Variants in MRPL15 observed in about 807,000 individuals in gnomAD.
MRPL15 encodes the protein mitochondrial ribosomal protein L15.
In MRPL15, 24 loss-of-function variants were observed where a neutral mutation model predicts 28.0. That is an observed-to-expected ratio of 0.86 (90% CI 0.62 to 1.21). The LOEUF is 1.21. Among genes scored for constraint, MRPL15 ranks in the 50% most tolerant of loss-of-function variants. The pLI, the probability that MRPL15 is intolerant of heterozygous loss-of-function variation, is 0.00. For synonymous variants in MRPL15, 124 were observed against 137.0 expected (o/e 0.90, Z 0.66); for missense variants, 343 against 372.4 (o/e 0.92, Z 0.65).
intron 1 of MRPL15, 37 bp downstream of exon 1, chr8:54,135,428 AC>A: frequency 6.7e-7 from 1 of 1,501,012 alleles, no homozygotes; most frequent in South Asian, 1.2e-5. Context: ...AGCGCTGGGG[AC>A]CCGGGCGATG....
chr8:54,147,080 A>G (rs556879956), intron 4 of MRPL15, among the ~76,000 whole-genome samples: 27 of 152,270 alleles, frequency 1.8e-4, no homozygotes, highest in Middle Eastern at 3.4e-3. Context: ...TAAAAATACA[A>G]AATGATCCGG....
chr8:54,138,521 G>A (rs1417904707), intron 3 of MRPL15, among the ~76,000 whole-genome samples: 1 of 150,970 alleles, frequency 6.6e-6, no homozygotes, highest in African/African-American at 2.4e-5. Context: ...GTTTTGCTAT[G>A]TTGGCCAGGC....
chr8:54,147,314 T>C, intron 4 of MRPL15, 68 bp from the exon 5 acceptor site: 1 of 1,143,468 alleles, frequency 8.7e-7, no homozygotes, highest in East Asian at 2.4e-5. Context: ...TATGTTAGAG[T>C]TACATCTCTA....
Position 54,148,212 on chromosome 8 carries a change from A to T in MRPL15, c.*493A>T, listed in dbSNP as rs1440650348. ...AGAGTAAGATCAGGACGTATGCTTA[A>T]GGTGTAAGGCTGAGGAGTAGCTGGT... is the stretch of plus-strand genomic sequence containing the variant. On this transcript the variant is annotated 3_prime_UTR_variant, in exon 5 of 5. Coordinates refer to ENST00000260102, the MANE Select transcript of MRPL15 (RefSeq NM_014175.4). Among the ~76,000 whole-genome samples the T allele has an allele frequency of 6.6e-6, 1 of 152,224 alleles. No individual in the cohort carries two copies. Among genetic ancestry groups the T allele is most frequent in the South Asian group, 2.1e-4 (1 of 4,838 alleles).
rs747561347 is a variant in MRPL15, at chr8:54,142,851, A to G, written c.553+65A>G. The G allele has an allele frequency of 1.9e-5, 31 of 1,599,624 alleles. No individual in the cohort carries two copies. The Admixed American group carries it at 4.8e-4, about 25-fold the overall frequency. ...GTCTCATGTTGGCTACTAATTTTAA[A>G]TTACTTAGTGAATGGCAAATGTTGG... On this transcript the variant is annotated intron_variant, in intron 4 of 4. Transcript: ENST00000260102.
Position 54,136,636 on chromosome 8 carries a change from C to G in MRPL15, c.234C>G (p.Ile78Met), listed in dbSNP as rs901142433. 1.2e-6 allele frequency: 2 copies of G among 1,614,102 alleles called. No homozygotes were observed. The highest frequency in any genetic ancestry group is 1.7e-6 in the Non-Finnish European group (2 of 1,179,980). ...GCCAGACTCCATTTTACATCCGAAT[C>G]CCAAAATACGGGTTTAACGAAGGAC... Reference protein sequence around the residue: ...EGGQTPFYIRIPKYGFNEGHS... With the variant: ...EGGQTPFYIRMPKYGFNEGHS... Residue 78 changes from isoleucine (I) to methionine (M), a missense_variant, in exon 2 of 5, where the codon ATC (isoleucine) becomes ATG (methionine). Transcript: ENST00000260102.
intron 3 of MRPL15, among the ~76,000 whole-genome samples, chr8:54,139,273 A>G (rs1480023116): frequency 6.6e-6 from 1 of 152,226 alleles, no homozygotes; most frequent in African/African-American, 2.4e-5. Flanking sequence ...TGCTGGGATT[A>G]CAGACGTGAG....
At chr8:54,135,505 T>C in intron 1 of MRPL15, 114 bp downstream of exon 1, 1 of 781,460 alleles carries the variant, frequency 1.3e-6, no homozygotes, top group Admixed American at 3.5e-5. Context: ...GGGATGAAAA[T>C]AGGATTGCCT....
chr8:54,140,299 C>T (rs980962565), intron 3 of MRPL15, among the ~76,000 whole-genome samples: 1 of 151,906 alleles, frequency 6.6e-6, no homozygotes, highest in Non-Finnish European at 1.5e-5. Context: ...GCTCTGTTGC[C>T]CAGGCTGCAG....
At position 54,137,378 on chromosome 8, in the gene MRPL15, G is replaced by A. The variant is rs1186057090; in HGVS notation, c.374G>A (p.Arg125Lys). 1.1e-5 allele frequency: 18 copies of A among 1,614,026 alleles called. No individual in the cohort carries two copies. The highest frequency in any genetic ancestry group is 1.4e-5 in the Non-Finnish European group (17 of 1,180,038). The change falls in exon 3 of 5, where the codon AGA becomes AAA. Residue 125 changes from arginine (R) to lysine (K), a missense_variant. Transcript: ENST00000260102. ...PIDLTQLVNGRGVTIQPLKRD... is the reference protein window; with the variant it reads ...PIDLTQLVNGKGVTIQPLKRD... ...GACTTAACCCAGCTTGTCAATGGGA[G>A]AGGTGTGACCATCCAGCCACTTAAA...
intron 3 of MRPL15, among the ~76,000 whole-genome samples, chr8:54,138,853 T>C (rs1156727659): frequency 6.6e-6 from 1 of 152,090 alleles, no homozygotes; most frequent in Non-Finnish European, 1.5e-5. Context: ...TGAGACAGTA[T>C]CTCACTCTGT....
At position 54,148,401 on chromosome 8, in the gene MRPL15, T is replaced by C. The variant is rs533236514; in HGVS notation, c.*682T>C. 6.6e-6 allele frequency among the ~76,000 whole-genome samples: 1 copy of C among 152,370 alleles called. No individual in the cohort carries two copies. The highest frequency in any genetic ancestry group is 1.9e-4 in the East Asian group (1 of 5,186). On this transcript the variant is annotated 3_prime_UTR_variant, in exon 5 of 5. Transcript: ENST00000260102. ...AGATGGCAGCAAGCCTTTTGTTCTC[T>C]GACCTGGGGTTCTTGGCCTCACGGA...
Position 54,148,099 on chromosome 8 carries a change from C to A in MRPL15, c.*380C>A, listed in dbSNP as rs1190076413. ...TAGGCCTGCTCTGCCGAGATGAGAG[C>A]AGATGGAATGAGTTGGTGACCCCTC... is the stretch of plus-strand genomic sequence containing the variant. On this transcript the variant is annotated 3_prime_UTR_variant, in exon 5 of 5. Transcript: ENST00000260102. Among the ~76,000 whole-genome samples the A allele has an allele frequency of 6.6e-6, 1 of 152,128 alleles. No individual in the cohort carries two copies. Among genetic ancestry groups the A allele is most frequent in the Admixed American group, 6.5e-5 (1 of 15,268 alleles).
intron 3 of MRPL15, among the ~76,000 whole-genome samples, chr8:54,140,694 A>C (rs1315994438): frequency 5.3e-4 from 77 of 146,498 alleles, no homozygotes; most frequent in Non-Finnish European, 8.1e-4. Context: ...CTGCCTCAGC[A>C]TCCTGAGTAG....
At chr8:54,139,497 C>G (rs1454834506) in intron 3 of MRPL15, among the ~76,000 whole-genome samples, 1 of 152,142 alleles carries the variant, frequency 6.6e-6, no homozygotes, top group Non-Finnish European at 1.5e-5. Context: ...CCTCAGTATT[C>G]TACCCTGAGT....
chr8:54,135,594 T>C (rs866206310), intron 1 of MRPL15, among the ~76,000 whole-genome samples: 14 of 135,290 alleles, frequency 1.0e-4, no homozygotes, highest in Non-Finnish European at 1.4e-4. Flanking sequence ...TTTTTTTTTT[T>C]CCGAGACGGA....
chr8:54,146,299 T>C (rs1296102364), intron 4 of MRPL15, among the ~76,000 whole-genome samples: 1 of 152,042 alleles, frequency 6.6e-6, no homozygotes, highest in East Asian at 1.9e-4. Context: ...ATACAAAAAT[T>C]AGCTGAGCAT....
intron 3 of MRPL15, among the ~76,000 whole-genome samples, chr8:54,140,752 T>C (rs965600208): frequency 6.6e-6 from 1 of 151,846 alleles, no homozygotes; most frequent in Non-Finnish European, 1.5e-5. Flanking sequence ...TTATTTATTT[T>C]TTTGTATTTT....
chr8:54,142,520 G>C (rs1810946538), intron 3 of MRPL15, 143 bp from the exon 4 acceptor site: 1 of 915,866 alleles, frequency 1.1e-6, no homozygotes, highest in Admixed American at 3.1e-5. Flanking sequence ...CACAGATGTG[G>C]AACCCACAGA....
Sources: gnomAD v4.1 joint callset for allele counts (sites outside exome capture counted in the v4.1 genomes callset) on GRCh38, gnomAD v4.1.1 for gene constraint, MANE v1.5 for transcripts, NCBI Gene and HGNC (gene_info 2026-07-23, HGNC 2026-07-21) for gene names.